Variants in ZNF385D observed in about 807,000 individuals in gnomAD.
ZNF385D encodes the protein zinc finger protein 385D, also known as zinc finger protein 659.
Under a neutral mutation model 35.8 loss-of-function variants are expected in ZNF385D, and 15 were observed. The ratio of observed to expected loss-of-function variants is 0.42; its 90% CI spans 0.28 to 0.64. The LOEUF is 0.64. Ranked by LOEUF, ZNF385D falls within the 30% of genes least tolerant of loss-of-function variation. The pLI is 0.23. For missense variants in ZNF385D, 474 were observed against 494.6 expected (o/e 0.96, Z 0.39); for synonymous variants, 212 against 186.8 (o/e 1.13, Z -1.10).
intron 3 of ZNF385D, among the ~76,000 whole-genome samples, chr3:21,821,715 C>G (rs1030563439): frequency 1.3e-5 from 2 of 152,148 alleles, no homozygotes; most frequent in Non-Finnish European, 2.9e-5. Context: ...GTAATCAGCA[C>G]TTTGGAAGTT....
intron 4 of ZNF385D, chr3:21,443,299 C>G (rs1267064224): frequency 1.2e-5 from 12 of 985,224 alleles, no homozygotes; most frequent in Non-Finnish European, 1.4e-5. Context: ...TCTTTATTCT[C>G]CAGGTCCCAA....
At chr3:22,187,700 A>C (rs1306250757) in intron 2 of ZNF385D, among the ~76,000 whole-genome samples, 1 of 152,140 alleles carries the variant, frequency 6.6e-6, no homozygotes, top group Non-Finnish European at 1.5e-5. Flanking sequence ...ATTAGGAAAT[A>C]TTATTTTAAC....
chr3:21,973,752 A>G (rs1390130151), intron 3 of ZNF385D, among the ~76,000 whole-genome samples: 3 of 152,134 alleles, frequency 2.0e-5, no homozygotes, highest in Non-Finnish European at 4.4e-5. Context: ...ATCAACATGC[A>G]AAAATCAGTA....
chr3:21,591,531 A>C (rs373781432), intron 2 of ZNF385D, among the ~76,000 whole-genome samples: 38 of 152,298 alleles, frequency 2.5e-4, no homozygotes, highest in African/African-American at 8.7e-4. Context: ...TTGTTTTAAA[A>C]GTCAATATTT....
In ZNF385D at chr3:21,918,340, A is replaced by C. The variant is rs149521741; in HGVS notation, c.325+250477T>G. On this transcript the variant is annotated intron_variant, in intron 3 of 5. Transcript: ENST00000494108. ...AAAAGAAATGAACAATCCAAGATTT[A>C]TTAATACTCCACTTTAAAGTGGAAG... Among the ~76,000 whole-genome samples, 383 of 152,348 alleles carry C rather than the reference A, an allele frequency of 2.5e-3. 1 individual carries two copies. Among genetic ancestry groups the C allele is most frequent in the African/African-American group, 8.8e-3 (368 of 41,584 alleles).
At chr3:21,434,505 C>T (rs973390647) in intron 5 of ZNF385D, among the ~76,000 whole-genome samples, 1 of 152,152 alleles carries the variant, frequency 6.6e-6, no homozygotes, top group Non-Finnish European at 1.5e-5. Context: ...AGCCAGTATG[C>T]ATGTGGCAGT....
chr3:21,790,731 C>G (rs1372621823), intron 3 of ZNF385D, among the ~76,000 whole-genome samples: 2 of 152,150 alleles, frequency 1.3e-5, no homozygotes, highest in Non-Finnish European at 2.9e-5. Flanking sequence ...CCTTGGCAGA[C>G]TAGGTCTTTT....
intron 1 of ZNF385D, among the ~76,000 whole-genome samples, chr3:21,740,592 A>T (rs2125521346): frequency 6.6e-6 from 1 of 152,286 alleles, no homozygotes; most frequent in African/African-American, 2.4e-5. Context: ...GAAACCAGGG[A>T]TGGGCAGCAC....
At chr3:22,307,648 G>GTGT (rs1224390364) in intron 2 of ZNF385D, among the ~76,000 whole-genome samples, 1 of 151,666 alleles carries the variant, frequency 6.6e-6, no homozygotes, top group Non-Finnish European at 1.5e-5. Context: ...ATATGCCTGT[G>GTGT]TGTTGACCTA....
chr3:22,004,174 G>C (rs1400223318), intron 3 of ZNF385D, among the ~76,000 whole-genome samples: 1 of 152,086 alleles, frequency 6.6e-6, no homozygotes, highest in African/African-American at 2.4e-5. Context: ...TTTTGACAAA[G>C]GCACTAAGAA....
intron 3 of ZNF385D, among the ~76,000 whole-genome samples, chr3:21,924,896 G>T (rs1187735957): frequency 1.3e-5 from 2 of 152,118 alleles, no homozygotes; most frequent in African/African-American, 4.8e-5. Flanking sequence ...GTAAGAAAGT[G>T]GTGCCCTCCT....
intron 3 of ZNF385D, among the ~76,000 whole-genome samples, chr3:21,870,923 G>A (rs1023895832): frequency 6.6e-5 from 10 of 152,184 alleles, no homozygotes; most frequent in Admixed American, 3.9e-4. Context: ...TGTCTTCCTA[G>A]TTGCACTCTT....
intron 1 of ZNF385D, among the ~76,000 whole-genome samples, chr3:21,737,745 A>G (rs1028649966): frequency 5.9e-5 from 9 of 152,230 alleles, no homozygotes; most frequent in African/African-American, 1.9e-4. Context: ...AAAAGGGTCT[A>G]AAAGGTGTTT....
intron 2 of ZNF385D, among the ~76,000 whole-genome samples, chr3:22,296,925 G>A (rs1702616077): frequency 6.6e-6 from 1 of 152,040 alleles, no homozygotes; most frequent in Non-Finnish European, 1.5e-5. Flanking sequence ...ATACAATAAT[G>A]CAAATATCAG....
intron 2 of ZNF385D, among the ~76,000 whole-genome samples, chr3:22,354,725 A>G (rs1459449995): frequency 6.6e-6 from 1 of 152,094 alleles, no homozygotes; most frequent in Non-Finnish European, 1.5e-5. Flanking sequence ...AATAACAGAG[A>G]ACATCAGGAA....
chr3:21,849,561 A>G (rs1016532048), intron 3 of ZNF385D: 1 of 151,272 alleles, frequency 6.6e-6, no homozygotes, highest in Admixed American at 6.6e-5. Flanking sequence ...TCACACCACA[A>G]ATAGAATTTG....
At chr3:21,856,249 T>C (rs1469573059) in intron 3 of ZNF385D, among the ~76,000 whole-genome samples, 2 of 152,066 alleles carry the variant, frequency 1.3e-5, no homozygotes, top group Non-Finnish European at 2.9e-5. Context: ...GATGGATCTA[T>C]TTCAACAACT....
At chr3:21,696,454 T>A (rs1469018800) in intron 1 of ZNF385D, among the ~76,000 whole-genome samples, 1 of 152,216 alleles carries the variant, frequency 6.6e-6, no homozygotes, top group Non-Finnish European at 1.5e-5. Flanking sequence ...ATTCATTGTG[T>A]TTTGACAGCA....
chr3:21,828,590 C>T (rs562476139), intron 3 of ZNF385D, among the ~76,000 whole-genome samples: 1 of 152,210 alleles, frequency 6.6e-6, no homozygotes, highest in African/African-American at 2.4e-5. Flanking sequence ...TTATTGGCTA[C>T]CTACTGTGTG....
Sources: gnomAD v4.1 joint callset for allele counts (sites outside exome capture counted in the v4.1 genomes callset) on GRCh38, gnomAD v4.1.1 for gene constraint, MANE v1.5 for transcripts, NCBI Gene and HGNC (gene_info 2026-07-23, HGNC 2026-07-21) for gene names.